ZSCAN5A: variants seen among roughly 807,000 people sequenced by gnomAD.
The protein encoded by ZSCAN5A is zinc finger and SCAN domain containing 5A.
Under a neutral mutation model 23.7 loss-of-function variants are expected in ZSCAN5A, and 12 were observed. That is an observed-to-expected ratio of 0.51 (90% CI 0.32 to 0.82). ZSCAN5A has a LOEUF of 0.82. Ranked by LOEUF, ZSCAN5A falls within the 40% of genes least tolerant of loss-of-function variation. The pLI is 0.03. For synonymous variants in ZSCAN5A, 257 were observed against 239.9 expected (o/e 1.07, Z -0.66); for missense variants, 597 against 617.9 (o/e 0.97, Z 0.36).
intron 2 of ZSCAN5A, among the ~76,000 whole-genome samples, chr19:56,269,701 G>A (rs765585095): frequency 6.6e-6 from 1 of 152,186 alleles, no homozygotes; most frequent in Non-Finnish European, 1.5e-5. Context: ...GGAGAGGGTT[G>A]GAGAGAGATT....
chr19:56,266,066 A>G (rs1171574763), intron 2 of ZSCAN5A, among the ~76,000 whole-genome samples: 1 of 152,212 alleles, frequency 6.6e-6, no homozygotes, highest in African/African-American at 2.4e-5. Context: ...ACCTCTTCCA[A>G]TTATTGGCTT....
chr19:56,285,401 T>C (rs1218634200), intron 2 of ZSCAN5A, among the ~76,000 whole-genome samples: 1 of 152,222 alleles, frequency 6.6e-6, no homozygotes, highest in Non-Finnish European at 1.5e-5. Flanking sequence ...GTCATACACA[T>C]GTATGTACAT....
At chr19:56,295,370 G>C (rs1016900995) in intron 2 of ZSCAN5A, among the ~76,000 whole-genome samples, 1 of 152,064 alleles carries the variant, frequency 6.6e-6, no homozygotes, top group Admixed American at 6.6e-5. Flanking sequence ...GATGCGGGCG[G>C]ATCACCTCAG....
intron 2 of ZSCAN5A, among the ~76,000 whole-genome samples, chr19:56,270,195 G>T (rs938923164): frequency 6.6e-6 from 1 of 151,696 alleles, no homozygotes; most frequent in African/African-American, 2.4e-5. Context: ...CGAGGTGGGT[G>T]GATCACGAGG....
At chr19:56,319,811 A>G (rs997131183), upstream of ZSCAN5A, 3 of 777,010 alleles carry the variant, frequency 3.9e-6, 1 homozygote, top group Admixed American at 5.1e-5. Flanking sequence ...TGGAATTGGG[A>G]CTCTTCTGTC....
chr19:56,231,341 C>CA (rs1170971820), intron 2 of ZSCAN5A, among the ~76,000 whole-genome samples: 1 of 152,040 alleles, frequency 6.6e-6, no homozygotes. Flanking sequence ...TGTTGTACAC[C>CA]AAAAATGTGT....
intron 2 of ZSCAN5A, among the ~76,000 whole-genome samples, chr19:56,227,941 C>T (rs2146448415): frequency 6.6e-6 from 1 of 151,858 alleles, no homozygotes. Flanking sequence ...GCCTGTAGTC[C>T]CAGCTACTCG....
At chr19:56,326,486 CCCTCCA>C (rs1375172501) in intron 2 of ZSCAN5A, among the ~76,000 whole-genome samples, 1 of 152,064 alleles carries the variant, frequency 6.6e-6, no homozygotes, top group Non-Finnish European at 1.5e-5. Flanking sequence ...AATCCCCCAA[CCCTCCA>C]CCCCTGGTAA....
At chr19:56,228,239 G>A in intron 2 of ZSCAN5A, 15 of 985,102 alleles carry the variant, frequency 1.5e-5, no homozygotes, top group Non-Finnish European at 1.6e-5. Flanking sequence ...AGACATCCCC[G>A]CTGGACACTC....
chr19:56,235,273 T>C (rs368481199), intron 2 of ZSCAN5A, among the ~76,000 whole-genome samples: 53 of 14,744 alleles, frequency 3.6e-3, no homozygotes, highest in Admixed American at 0.011. Flanking sequence ...CTCTGATGGA[T>C]GGTGGGCCAA....
intron 2 of ZSCAN5A, among the ~76,000 whole-genome samples, chr19:56,244,631 C>A (rs1252542031): frequency 6.8e-6 from 1 of 146,024 alleles, no homozygotes; most frequent in Non-Finnish European, 1.5e-5. Flanking sequence ...GCTAAGCATT[C>A]TCTAATGCTC....
rs531929327 is a variant in ZSCAN5A at position 56,244,150 on chromosome 19, T to C, written c.-127-18977A>G. ...CCCCAGAAACTCAACTTGGAAATCATGACTGGGACCCTGAGACTTGTCACG... is the reference window on the plus strand; with the variant it reads ...CCCCAGAAACTCAACTTGGAAATCACGACTGGGACCCTGAGACTTGTCACG... On this transcript the variant is annotated intron_variant, in intron 2 of 5. Coordinates refer to ENST00000683990, the MANE Select transcript of ZSCAN5A (RefSeq NM_001322064.3). 1,450 of 1,604,972 alleles carry C rather than the reference T, an allele frequency of 9.0e-4. 3 individuals carry two copies. The highest frequency in any genetic ancestry group is 4.9e-3 in the South Asian group (446 of 90,820).
intron 2 of ZSCAN5A, chr19:56,244,543 G>A: frequency 8.0e-7 from 1 of 1,242,520 alleles, no homozygotes; most frequent in Non-Finnish European, 1.1e-6. Flanking sequence ...CCAAGTAGAG[G>A]AGAGTTTGCC....
rs888438174 is a variant in ZSCAN5A at position 56,351,012 on chromosome 19, C to T, written c.-358+12223G>A. The stretch of plus-strand genomic sequence containing the variant: ...GCTGTCCCCCCCCAACCACACGCCC[C>T]TTTTCAGCAGACAGTACCCAGAAAG... On this transcript the variant is annotated intron_variant, in intron 2 of 6. Transcript: ENST00000587340. This position sits in a 1 kb window ranked among gnomAD's most constrained non-coding sequence, Gnocchi z 4.8. Among the ~76,000 whole-genome samples, 4 of 152,010 alleles carry T rather than the reference C, an allele frequency of 2.6e-5. No homozygotes were observed. The highest frequency in any genetic ancestry group is 5.9e-5 in the Non-Finnish European group (4 of 68,014).
chr19:56,355,094 GTTTTTCTATTGAGGATAGTA>G (rs2041693413), intron 2 of ZSCAN5A, among the ~76,000 whole-genome samples: 1 of 124,528 alleles, frequency 8.0e-6, no homozygotes, highest in Non-Finnish European at 1.7e-5. Context: ...ACCCAACGTG[GTTTTTCTATTGAGGATAGTA>G]ATCATGATGT....
rs1568764173 is a variant in ZSCAN5A at position 56,351,235 on chromosome 19, C to T, written c.-358+12000G>A. On this transcript the variant is annotated intron_variant, in intron 2 of 6. Transcript: ENST00000587340. The surrounding 1 kb of genome is among the most constrained non-coding windows in gnomAD (Gnocchi z 4.8). The stretch of plus-strand genomic sequence containing the variant: ...CAAAAAGGCGGCTTCAAGGGCCGGG[C>T]TGACAAGCTTTGATATGCAAATGCT... Among the ~76,000 whole-genome samples, 1 of 152,236 alleles carries T rather than the reference C, an allele frequency of 6.6e-6. No homozygotes were observed. The highest frequency in any genetic ancestry group is 2.1e-4 in the South Asian group (1 of 4,816).
intron 2 of ZSCAN5A, among the ~76,000 whole-genome samples, chr19:56,292,990 A>G (rs1009139386): frequency 6.6e-5 from 10 of 152,018 alleles, no homozygotes; most frequent in African/African-American, 2.4e-4. Flanking sequence ...GGTTGATTCT[A>G]CCTTTCGGCT....
chr19:56,245,493 T>A, intron 2 of ZSCAN5A: 1 of 463,276 alleles, frequency 2.2e-6, no homozygotes, highest in Non-Finnish European at 3.9e-6. Flanking sequence ...TGAGTGTGCC[T>A]CTGGACTGAT....
intron 2 of ZSCAN5A, among the ~76,000 whole-genome samples, chr19:56,325,823 G>A (rs2041427038): frequency 6.6e-6 from 1 of 152,082 alleles, no homozygotes; most frequent in Non-Finnish European, 1.5e-5. Flanking sequence ...TGGTGTTAAA[G>A]AATTAAGAAG....
Sources: allele counts gnomAD v4.1 joint callset (sites outside exome capture counted in the v4.1 genomes callset), GRCh38; gene constraint gnomAD v4.1.1; non-coding constraint Gnocchi (gnomAD v3.1); transcripts MANE v1.5; gene names NCBI Gene and HGNC (gene_info 2026-07-23, HGNC 2026-07-21).